The following FBXW10B variants were observed in gnomAD, a reference collection of about 807,000 sequenced individuals.
FBXW10B encodes F-box and WD repeat domain containing 10B.
At chr17:15,593,520 A>G in the FBXW10B span, 8 of 1,611,460 alleles carry the variant, frequency 5.0e-6, no homozygotes, top group Non-Finnish European at 6.8e-6. Context: ...AGTAGCAGGC[A>G]GTACCCATCC....
At chr17:15,581,699 G>C in the FBXW10B span, among the ~76,000 whole-genome samples, 1 of 151,904 alleles carries the variant, frequency 6.6e-6, no homozygotes, top group Admixed American at 6.6e-5. Flanking sequence ...TGGCCAGATG[G>C]GGACCAGCAT....
chr17:15,609,982 T>C, the FBXW10B span, among the ~76,000 whole-genome samples: 1 of 149,052 alleles, frequency 6.7e-6, no homozygotes, highest in African/African-American at 2.5e-5. Flanking sequence ...TGCCTCAGCC[T>C]CCCGGGTAGC....
chr17:15,604,677 G>A, the FBXW10B span, among the ~76,000 whole-genome samples: 1 of 152,108 alleles, frequency 6.6e-6, no homozygotes, highest in Non-Finnish European at 1.5e-5. Context: ...TGGGACTACA[G>A]GTGCCCGCCA....
chr17:15,618,222 G>A, the FBXW10B span, among the ~76,000 whole-genome samples: 2,345 of 152,232 alleles, frequency 0.015, 65 homozygotes, highest in African/African-American at 0.054. Context: ...CAGCTACTTG[G>A]GAGGCTGAGG....
At chr17:15,600,599 A>G in the FBXW10B span, among the ~76,000 whole-genome samples, 1 of 151,662 alleles carries the variant, frequency 6.6e-6, no homozygotes, top group African/African-American at 2.4e-5. Flanking sequence ...AGCAGGTATT[A>G]TGCTCAGTGG....
At chr17:15,594,680 GC>G in the FBXW10B span, 1 of 1,528,500 alleles carries the variant, frequency 6.5e-7, no homozygotes, top group Non-Finnish European at 9.0e-7. Context: ...GCCAATGATT[GC>G]AGTCTAGGCT....
chr17:15,594,833 G>A, the FBXW10B span: 2 of 1,614,070 alleles, frequency 1.2e-6, no homozygotes, highest in Admixed American at 3.3e-5. Flanking sequence ...CTTCCTGAGA[G>A]GAGATGCCAC....
At chr17:15,566,555 TTTTG>T in the FBXW10B span, among the ~76,000 whole-genome samples, 15 of 150,798 alleles carry the variant, frequency 9.9e-5, no homozygotes, top group African/African-American at 2.2e-4. Context: ...AAACAAATTT[TTTTG>T]TTTGTTTGTT....
the FBXW10B span, among the ~76,000 whole-genome samples, chr17:15,615,276 T>TTCC: frequency 6.7e-6 from 1 of 149,518 alleles, no homozygotes. Context: ...GCCCCTCCAG[T>TTCC]TCCACTGGGT....
At chr17:15,570,162 C>T in the FBXW10B span, among the ~76,000 whole-genome samples, 2 of 152,066 alleles carry the variant, frequency 1.3e-5, no homozygotes, top group Non-Finnish European at 2.9e-5. Flanking sequence ...AAAGAAATGA[C>T]CTCCTAGGTG....
chr17:15,614,193 G>T, the FBXW10B span: 2 of 507,296 alleles, frequency 3.9e-6, no homozygotes, highest in Non-Finnish European at 5.1e-6. Context: ...CTTGAGAATA[G>T]AATCTTTTTT....
chr17:15,570,660 C>A, the FBXW10B span, among the ~76,000 whole-genome samples: 1 of 152,176 alleles, frequency 6.6e-6, no homozygotes, highest in Non-Finnish European at 1.5e-5. Context: ...ATTCTTTTCA[C>A]AATGTGATTG....
the FBXW10B span, among the ~76,000 whole-genome samples, chr17:15,593,924 C>A: frequency 6.6e-6 from 1 of 152,116 alleles, no homozygotes; most frequent in South Asian, 2.1e-4. Flanking sequence ...CCACCATGCC[C>A]GGCCTGCTGT....
chr17:15,618,051 T>C, the FBXW10B span, among the ~76,000 whole-genome samples: 11 of 152,260 alleles, frequency 7.2e-5, no homozygotes, highest in African/African-American at 4.8e-5. Flanking sequence ...AATCCCTGGT[T>C]GAGTGCAGTG....
At chr17:15,597,655 G>A in the FBXW10B span, among the ~76,000 whole-genome samples, 1 of 151,998 alleles carries the variant, frequency 6.6e-6, no homozygotes, top group Admixed American at 6.6e-5. Context: ...AATAAAAAAG[G>A]AAGATGTTGA....
the FBXW10B span, among the ~76,000 whole-genome samples, chr17:15,616,656 A>C: frequency 2.6e-5 from 4 of 151,808 alleles, no homozygotes; most frequent in African/African-American, 9.7e-5. Flanking sequence ...TACAAAAAAA[A>C]TTAGCCGGGC....
the FBXW10B span, chr17:15,566,317 T>C: frequency 8.9e-5 from 135 of 1,515,634 alleles, 9 homozygotes; most frequent in Non-Finnish European, 1.2e-4. Flanking sequence ...TCCAGGAGTT[T>C]CCAATTGTCC....
At chr17:15,606,582 T>C in the FBXW10B span, among the ~76,000 whole-genome samples, 1 of 141,466 alleles carries the variant, frequency 7.1e-6, no homozygotes, top group Non-Finnish European at 1.5e-5. Flanking sequence ...CATATATATG[T>C]GTGTGTGTAT....
the FBXW10B span, among the ~76,000 whole-genome samples, chr17:15,604,542 T>G: frequency 4.6e-5 from 7 of 152,138 alleles, no homozygotes; most frequent in South Asian, 2.1e-4. Flanking sequence ...TGGTTGTTTT[T>G]GGGTTTTTTT....
Sources: gnomAD v4.1 joint callset for allele counts (sites outside exome capture counted in the v4.1 genomes callset) on GRCh38, gnomAD v4.1.1 for gene constraint, MANE v1.5 for transcripts, NCBI Gene and HGNC (gene_info 2026-07-23, HGNC 2026-07-21) for gene names.